ALKBH8: variants seen among roughly 807,000 people sequenced by gnomAD.
ALKBH8 encodes alkB homolog 8, tRNA methyltransferase.
ALKBH8 carries 36 observed loss-of-function variants against 59.8 expected under a neutral mutation model. The ratio of observed to expected loss-of-function variants is 0.60; its 90% CI spans 0.46 to 0.79. The LOEUF (loss-of-function observed/expected upper bound fraction) is 0.79, where lower values mean the gene tolerates loss of function less well. Ranked by LOEUF, ALKBH8 falls within the 30% of genes least tolerant of loss-of-function variation. The pLI is 0.00. For synonymous variants in ALKBH8, 276 were observed against 273.6 expected (o/e 1.01, Z -0.09); for missense variants, 768 against 801.0 (o/e 0.96, Z 0.50).
intron 8 of ALKBH8, among the ~76,000 whole-genome samples, chr11:107,527,801 T>G (rs1465677131): frequency 1.3e-5 from 2 of 152,052 alleles, no homozygotes; most frequent in Non-Finnish European, 2.9e-5. Context: ...ATTTATGATT[T>G]TTAATTCTTT....
chr11:107,508,449 A>G (rs1258769195), intron 11 of ALKBH8, among the ~76,000 whole-genome samples: 1 of 152,224 alleles, frequency 6.6e-6, no homozygotes, highest in Non-Finnish European at 1.5e-5. Context: ...CTGGGATGAC[A>G]GGCGTGAGCC....
chr11:107,503,611 A>G lies in ALKBH8; in HGVS notation c.*1047T>C, dbSNP rs1001025673. 5.9e-5 allele frequency: 9 copies of G among 152,184 alleles called. No homozygotes were observed. Among genetic ancestry groups the G allele is most frequent in the African/African-American group, 1.9e-4 (8 of 41,440 alleles). 9.4% of individuals were successfully genotyped at this position (152,184 alleles called of 1,614,324 possible). On this transcript the variant is annotated 3_prime_UTR_variant, in exon 12 of 12. Coordinates refer to ENST00000428149, the MANE Select transcript of ALKBH8 (RefSeq NM_138775.3). The stretch of plus-strand genomic sequence containing the variant: ...TAAGTTAACTGGGTTACTATTATGC[A>G]ATATTGTACAGATCTTAAAAATAAC...
At chr11:107,512,656 T>C (rs1164909881) in intron 10 of ALKBH8, among the ~76,000 whole-genome samples, 1 of 152,140 alleles carries the variant, frequency 6.6e-6, no homozygotes, top group African/African-American at 2.4e-5. Flanking sequence ...GGATAATTTT[T>C]TCTTAGCCAA....
intron 1 of ALKBH8, among the ~76,000 whole-genome samples, chr11:107,561,174 A>G (rs1479807862): frequency 6.6e-6 from 1 of 152,166 alleles, no homozygotes; most frequent in South Asian, 2.1e-4. Context: ...TAGGTGATGA[A>G]TTCTTTACTT....
chr11:107,506,495 ATCAAGAATT>A (rs1408797417), intron 11 of ALKBH8, among the ~76,000 whole-genome samples: 1 of 152,126 alleles, frequency 6.6e-6, no homozygotes, highest in Non-Finnish European at 1.5e-5. Flanking sequence ...AGAGGAAAAG[ATCAAGAATT>A]TCAGTAATGA....
At chr11:107,548,464 T>A (rs774721087) in intron 7 of ALKBH8, among the ~76,000 whole-genome samples, 4 of 152,246 alleles carry the variant, frequency 2.6e-5, no homozygotes, top group Non-Finnish European at 5.9e-5. Flanking sequence ...AATGAGAAGA[T>A]GTCCTTTACT....
At chr11:107,561,754 G>C (rs960518041) in intron 1 of ALKBH8, among the ~76,000 whole-genome samples, 3 of 152,138 alleles carry the variant, frequency 2.0e-5, no homozygotes, top group Admixed American at 6.5e-5. Context: ...AATCCCAAGA[G>C]AGCAGGAATG....
Position 107,553,112 on chromosome 11 carries a change from A to G in ALKBH8, c.591T>C (p.Ser197=), listed in dbSNP as rs1864562876. 1.9e-6 allele frequency: 3 copies of G among 1,584,132 alleles called. No homozygotes were observed. The highest frequency in any genetic ancestry group is 2.3e-5 in the South Asian group (2 of 87,222). Residue 197 remains serine, a synonymous_variant, in exon 5 of 12, where the codon TCT becomes TCC. Coordinates refer to ENST00000428149, the MANE Select transcript of ALKBH8 (RefSeq NM_138775.3). Reference sequence around the variant, plus strand: ...TATGTATTAGCAATTACTTACCCCCAGATAATGGCTTATCTTTATCTACAT... The same window carrying G: ...TATGTATTAGCAATTACTTACCCCCGGATAATGGCTTATCTTTATCTACAT... ...NNNVDKDKPL[S]GGLPDICESF...
chr11:107,521,649 C>T (rs893227698), intron 10 of ALKBH8, among the ~76,000 whole-genome samples: 1 of 151,870 alleles, frequency 6.6e-6, no homozygotes, highest in Non-Finnish European at 1.5e-5. Context: ...CTTCTTAGCA[C>T]AGCAGAAAAA....
intron 10 of ALKBH8, among the ~76,000 whole-genome samples, chr11:107,520,031 G>A (rs917391505): frequency 6.6e-6 from 1 of 152,154 alleles, no homozygotes. Flanking sequence ...TACATAAAAA[G>A]AGAAAGCTAG....
chr11:107,558,530 C>G (rs1443257749), intron 2 of ALKBH8, among the ~76,000 whole-genome samples: 1 of 151,986 alleles, frequency 6.6e-6, no homozygotes, highest in East Asian at 1.9e-4. Context: ...GGTCCACTAC[C>G]CCATCTAGGA....
intron 11 of ALKBH8, among the ~76,000 whole-genome samples, chr11:107,507,779 T>C (rs957505783): frequency 9.2e-5 from 14 of 152,276 alleles, no homozygotes; most frequent in South Asian, 2.1e-4. Context: ...CTGGGATCAG[T>C]TGAAAAGAAC....
Position 107,565,710 on chromosome 11 carries a change from T to C in ALKBH8, c.-116A>G, listed in dbSNP as rs1319615341. 5 of 1,528,892 alleles carry C rather than the reference T, an allele frequency of 3.3e-6. No homozygotes were observed. The highest frequency in any genetic ancestry group is 4.4e-6 in the Non-Finnish European group (5 of 1,140,770). The allele number at this position is 1,528,892 out of a possible 1,614,324, so 94.7% of individuals were successfully genotyped here. A position where few individuals can be genotyped will look rare whatever the true frequency, so the allele number is the denominator to read the frequency against. On this transcript the variant is annotated 5_prime_UTR_variant, in exon 1 of 12. Transcript: ENST00000428149. ...GCGGATACTTGCACGCCATCTCCCC[T>C]GGGCGCGGCCATGTTGGAGAAAACT...
chr11:107,524,231 G>T (rs1459439480), intron 9 of ALKBH8, among the ~76,000 whole-genome samples: 1 of 151,772 alleles, frequency 6.6e-6, no homozygotes, highest in African/African-American at 2.4e-5. Flanking sequence ...TCTAAATTTT[G>T]ATTTTATTTT....
rs998469286 is a variant in ALKBH8, at chr11:107,553,879, A to G, written c.467T>C (p.Val156Ala). 1 of 1,613,718 alleles carries G rather than the reference A, an allele frequency of 6.2e-7. No homozygotes were observed. The highest frequency in any genetic ancestry group is 2.2e-5 in the East Asian group (1 of 44,850). The stretch of plus-strand genomic sequence containing the variant: ...ATTGTCTGTATCTTCTGTCCAATCA[A>G]CACTTTCCAAAAGCATTTTCTCCTC... ...SEEEKMLLES[V>A]DWTEDTDNQN... is the part of the protein sequence containing the mutation. Residue 156 changes from valine to alanine, a missense_variant, in exon 4 of 12, where the codon GTT becomes GCT. By Grantham distance (64) the Val-to-Ala change is moderately conservative. Coordinates refer to ENST00000428149, the MANE Select transcript of ALKBH8 (RefSeq NM_138775.3).
rs1862244741 is a variant in ALKBH8 at position 107,503,136 on chromosome 11, ATTGGCATGAC to A, written c.*1512_*1521del. ...CTATTTCATTTGGATGTTAAAATTT[ATTGGCATGAC>A]TTGACTTCAAACTTTGGTGTCAAGT... is the stretch of plus-strand genomic sequence containing the variant. On this transcript the variant is annotated 3_prime_UTR_variant, in exon 12 of 12. Coordinates refer to ENST00000428149, the MANE Select transcript of ALKBH8 (RefSeq NM_138775.3). 1 of 152,188 alleles carries A rather than the reference ATTGGCATGAC, an allele frequency of 6.6e-6. No homozygotes were observed. Among genetic ancestry groups the A allele is most frequent in the Non-Finnish European group, 1.5e-5 (1 of 68,014 alleles). 9.4% of individuals were successfully genotyped at this position (152,188 alleles called of 1,614,324 possible). A position where few individuals can be genotyped will look rare whatever the true frequency, so the allele number is the denominator to read the frequency against.
chr11:107,548,505 G>A (rs1055207485), intron 7 of ALKBH8, among the ~76,000 whole-genome samples: 3 of 152,074 alleles, frequency 2.0e-5, no homozygotes, highest in African/African-American at 7.2e-5. Flanking sequence ...AGGATGGGGG[G>A]TAAAAATAAA....
In ALKBH8 at chr11:107,538,783, A is replaced by G. The variant is rs192395870; in HGVS notation, c.772-6377T>C. On this transcript the variant is annotated intron_variant, in intron 7 of 11. Transcript: ENST00000428149. ...AAGAAGAATATACGCTACTGGGAAC[A>G]CTTCTGAGAAAGAAGACAAATTTAA... 3.3e-5 allele frequency among the ~76,000 whole-genome samples: 5 copies of G among 152,384 alleles called. No individual in the cohort carries two copies. In the East Asian group the frequency reaches 9.6e-4, roughly 29 times the overall value.
At chr11:107,549,683 G>A in intron 7 of ALKBH8, 70 bp downstream of exon 7, 1 of 1,077,442 alleles carries the variant, frequency 9.3e-7, no homozygotes. Flanking sequence ...TTAAGAATGT[G>A]GATAATCTTT....
Sources: allele counts gnomAD v4.1 joint callset (sites outside exome capture counted in the v4.1 genomes callset), GRCh38; gene constraint gnomAD v4.1.1; transcripts MANE v1.5; gene names NCBI Gene and HGNC (gene_info 2026-07-23, HGNC 2026-07-21).